The following AKR1E2 variants were observed in gnomAD, a reference collection of about 807,000 sequenced individuals.
AKR1E2 encodes aldo-keto reductase family 1 member E2.
AKR1E2 carries 43 observed loss-of-function variants against 41.9 expected under a neutral mutation model. The ratio of observed to expected loss-of-function variants is 1.03; its 90% CI spans 0.80 to 1.32. AKR1E2 has a LOEUF of 1.32. AKR1E2 is among the 40% of genes most tolerant of loss of function. The pLI, the probability that AKR1E2 is intolerant of heterozygous loss-of-function variation, is 0.00. For synonymous variants in AKR1E2, 121 were observed against 138.9 expected, an observed-to-expected ratio of 0.87 and a Z score of 0.91; for missense variants, 423 against 396.5, an observed-to-expected ratio of 1.07 and a Z score of -0.57.
chr10:4,827,587 G>A (rs1006346714), intron 1 of AKR1E2, among the ~76,000 whole-genome samples: 1 of 150,662 alleles, frequency 6.6e-6, no homozygotes. Context: ...ACTAAAAAGC[G>A]TTTAAAATTT....
chr10:4,826,529 G>A (rs994738039), intron 1 of AKR1E2, among the ~76,000 whole-genome samples, 166 bp downstream of exon 1: 6 of 152,182 alleles, frequency 3.9e-5, no homozygotes, highest in African/African-American at 1.4e-4. Context: ...CCGCCCACAA[G>A]CAGCCCGGCC....
chr10:4,835,330 G>A (rs2961578), intron 3 of AKR1E2, among the ~76,000 whole-genome samples: 31,005 of 152,168 alleles, frequency 0.2, 3,347 homozygotes, highest in Middle Eastern at 0.34. Context: ...GGCTCTATAA[G>A]ACATGAAGAA....
intron 4 of AKR1E2, among the ~76,000 whole-genome samples, chr10:4,837,093 C>T (rs1441160403): frequency 6.6e-6 from 1 of 152,226 alleles, no homozygotes; most frequent in Non-Finnish European, 1.5e-5. Context: ...GCTTGCCAGA[C>T]ATCAGGAGGA....
At chr10:4,856,641 A>C in the AKR1E2 span, among the ~76,000 whole-genome samples, 1 of 152,236 alleles carries the variant, frequency 6.6e-6, no homozygotes, top group Non-Finnish European at 1.5e-5. Flanking sequence ...GTGTTTGTAT[A>C]AATGTATTAT....
At chr10:4,842,317 G>C in intron 7 of AKR1E2, 104 bp from the exon 8 acceptor site, 1 of 982,966 alleles carries the variant, frequency 1.0e-6, no homozygotes, top group Non-Finnish European at 1.6e-6. Flanking sequence ...TGCTGTCATT[G>C]ATTCTTGGAC....
chr10:4,869,971 A>G, the AKR1E2 span, among the ~76,000 whole-genome samples: 1 of 151,942 alleles, frequency 6.6e-6, no homozygotes, highest in African/African-American at 2.4e-5. Flanking sequence ...GGTCTGCTTG[A>G]TTATGTGATT....
the AKR1E2 span, among the ~76,000 whole-genome samples, chr10:4,854,532 A>T: frequency 3.9e-5 from 6 of 152,092 alleles, no homozygotes; most frequent in Admixed American, 3.9e-4. Context: ...TGACCACTGA[A>T]GGGACTATAG....
intron 5 of AKR1E2, among the ~76,000 whole-genome samples, chr10:4,839,044 A>G (rs1390336523): frequency 6.6e-6 from 1 of 152,194 alleles, no homozygotes. Flanking sequence ...AGTTCTCTGT[A>G]ATTTACACTA....
At chr10:4,843,164 G>A (rs923878948) in intron 8 of AKR1E2, among the ~76,000 whole-genome samples, 5 of 152,164 alleles carry the variant, frequency 3.3e-5, no homozygotes, top group East Asian at 1.9e-4. Context: ...CAACCCTGAC[G>A]ACATAGTCTG....
the AKR1E2 span, among the ~76,000 whole-genome samples, chr10:4,855,867 G>T: frequency 2.0e-5 from 3 of 152,156 alleles, no homozygotes; most frequent in African/African-American, 7.2e-5. Flanking sequence ...CTGCTTCTTA[G>T]ACTTTTGAAA....
At position 4,847,224 on chromosome 10, in the gene AKR1E2, T is replaced by C. The variant is rs760323115; in HGVS notation, c.914T>C (p.Phe305Ser). The change falls in exon 9 of 10, where the codon TTC (phenylalanine) becomes TCC (serine). Residue 305 changes from phenylalanine to serine, a missense_variant. Transcript: ENST00000298375. ...SLNRNLRLAM[F>S]PITKNHKDYP... is the part of the protein sequence containing the mutation. ...AACAGGAATCTCCGACTGGCCATGT[T>C]CCCCATGTAAATATGGCTCCTTCTT... 20 of 1,614,148 alleles carry C rather than the reference T, an allele frequency of 1.2e-5. No individual in the cohort carries two copies. In the East Asian group the frequency reaches 4.0e-4, roughly 32 times the overall value.
rs776209014 is a variant in AKR1E2 at position 4,839,745 on chromosome 10, A to G, written c.599A>G (p.Tyr200Cys). 3.7e-6 allele frequency: 6 copies of G among 1,613,972 alleles called. No individual in the cohort carries two copies. The highest frequency in any genetic ancestry group is 5.1e-6 in the Non-Finnish European group (6 of 1,179,918). ...PLTNQIECHP[Y>C]LTQKNLISFC... ...CTGTTATAGATTGAGTGCCACCCAT[A>G]TCTTACTCAGAAGAATCTGATCAGT... The change falls in exon 6 of 10, where the codon TAT becomes TGT. Residue 200 changes from tyrosine (Y) to cysteine (C), a missense_variant. Tyr to Cys is a radical substitution (Grantham distance 194, BLOSUM62 -2). Transcript: ENST00000298375.
At chr10:4,839,279 T>A (rs952122592) in intron 5 of AKR1E2, among the ~76,000 whole-genome samples, 1 of 152,236 alleles carries the variant, frequency 6.6e-6, no homozygotes, top group Non-Finnish European at 1.5e-5. Context: ...TGGTGAGACA[T>A]CTATGAACAA....
intron 1 of AKR1E2, 54 bp from the exon 2 acceptor site, chr10:4,830,621 T>A: frequency 6.3e-7 from 1 of 1,597,926 alleles, no homozygotes; most frequent in Non-Finnish European, 8.6e-7. Context: ...AAGGGGAGAT[T>A]TGTGTTGGAT....
chr10:4,838,243 C>T (rs1307947469), intron 5 of AKR1E2, among the ~76,000 whole-genome samples: 3 of 152,352 alleles, frequency 2.0e-5, no homozygotes, highest in South Asian at 2.1e-4. Flanking sequence ...AGCACAGCAT[C>T]ATTCCCATTC....
chr10:4,866,149 G>GTGATC, the AKR1E2 span, among the ~76,000 whole-genome samples: 5 of 152,162 alleles, frequency 3.3e-5, no homozygotes, highest in African/African-American at 7.2e-5. Flanking sequence ...TTTCAGCAAA[G>GTGATC]TGATCCTCTT....
chr10:4,871,550 A>AT, the AKR1E2 span, among the ~76,000 whole-genome samples: 71 of 152,308 alleles, frequency 4.7e-4, no homozygotes, highest in African/African-American at 1.6e-3. Context: ...AATTATTAGC[A>AT]TTTTTTTGAG....
chr10:4,856,212 A>C, the AKR1E2 span, among the ~76,000 whole-genome samples: 1 of 152,240 alleles, frequency 6.6e-6, no homozygotes, highest in Non-Finnish European at 1.5e-5. Context: ...AAAGGGTTAA[A>C]TAATTGTCTT....
At chr10:4,842,291 T>C in intron 7 of AKR1E2, 130 bp from the exon 8 acceptor site, 1 of 736,170 alleles carries the variant, frequency 1.4e-6, no homozygotes, top group Non-Finnish European at 2.3e-6. Context: ...GCTCAGTGAA[T>C]GCCAGTAACA....
Sources: gnomAD v4.1 joint callset for allele counts (sites outside exome capture counted in the v4.1 genomes callset) on GRCh38, gnomAD v4.1.1 for gene constraint, MANE v1.5 for transcripts, NCBI Gene and HGNC (gene_info 2026-07-23, HGNC 2026-07-21) for gene names.